Variants in ABLIM2 observed in about 807,000 individuals in gnomAD.
ABLIM2 encodes the protein actin binding LIM protein family member 2, also known as actin-binding LIM protein 2.
A neutral mutation model predicts 97.7 loss-of-function variants in ABLIM2; 53 were observed. The ratio of observed to expected loss-of-function variants is 0.54; its 90% CI spans 0.44 to 0.68. ABLIM2 has a LOEUF of 0.68. Ranked by LOEUF, ABLIM2 falls within the 30% of genes least tolerant of loss-of-function variation. ABLIM2 has a pLI of 0.00. For synonymous variants in ABLIM2, 361 were observed against 345.8 expected (o/e 1.04, Z -0.49); for missense variants, 835 against 867.2 (o/e 0.96, Z 0.47).
At chr4:8,062,177 G>C (rs1803618579) in intron 6 of ABLIM2, among the ~76,000 whole-genome samples, 1 of 152,140 alleles carries the variant, frequency 6.6e-6, no homozygotes, top group South Asian at 2.1e-4. Flanking sequence ...CCACTCGGGA[G>C]CTTTCTCTGA....
In ABLIM2 at chr4:8,112,913, C is replaced by T. The variant is rs996706792; in HGVS notation, c.11-6276G>A. Among the ~76,000 whole-genome samples, 5 of 152,154 alleles carry T rather than the reference C, an allele frequency of 3.3e-5. No individual in the cohort carries two copies. Among genetic ancestry groups the T allele is most frequent in the African/African-American group, 9.7e-5 (4 of 41,420 alleles). On this transcript the variant is annotated intron_variant, in intron 1 of 20. Coordinates refer to ENST00000447017, the MANE Select transcript of ABLIM2 (RefSeq NM_001130083.2). This position sits in a 1 kb window ranked among gnomAD's most constrained non-coding sequence, Gnocchi z 4.2. ...CTTGTTCAACAGACACGGGAGCAGACGCACTGTCAGGTACTGGGGAGAGAG... is the reference window on the plus strand; with the variant it reads ...CTTGTTCAACAGACACGGGAGCAGATGCACTGTCAGGTACTGGGGAGAGAG...
intron 1 of ABLIM2, among the ~76,000 whole-genome samples, chr4:8,151,751 C>G (rs930315948): frequency 6.6e-6 from 1 of 151,728 alleles, no homozygotes; most frequent in Admixed American, 6.6e-5. Context: ...TCACAGAGGT[C>G]CAGGCGAGGG....
At position 8,112,539 on chromosome 4, in the gene ABLIM2, G is replaced by A. The variant is rs1434341555; in HGVS notation, c.11-5902C>T. 6.6e-6 allele frequency among the ~76,000 whole-genome samples: 1 copy of A among 152,162 alleles called. No individual in the cohort carries two copies. Among genetic ancestry groups the A allele is most frequent in the Non-Finnish European group, 1.5e-5 (1 of 68,034 alleles). On this transcript the variant is annotated intron_variant, in intron 1 of 20. Transcript: ENST00000447017. The surrounding 1 kb of genome is among the most constrained non-coding windows in gnomAD (Gnocchi z 4.2). ...GCCGCAGGATGGAGGGGTCAGATCA[G>A]GGGTGGCTATCAGAAAGAGGAAAAA... is the stretch of plus-strand genomic sequence containing the variant.
At chr4:8,080,935 G>A in intron 4 of ABLIM2, 133 bp from the exon 5 acceptor site, 1 of 1,170,328 alleles carries the variant, frequency 8.5e-7, no homozygotes. Context: ...GCCACAGCGA[G>A]TGTGCTTGGA....
chr4:8,109,188 T>G (rs1173330832), intron 1 of ABLIM2, among the ~76,000 whole-genome samples: 1 of 147,962 alleles, frequency 6.8e-6, no homozygotes, highest in Non-Finnish European at 1.5e-5. Flanking sequence ...GCCTGGCGTA[T>G]AGGCTGAGTG....
chr4:8,035,243 G>A (rs1210279694), intron 10 of ABLIM2, among the ~76,000 whole-genome samples: 1 of 152,018 alleles, frequency 6.6e-6, no homozygotes, highest in Non-Finnish European at 1.5e-5. Flanking sequence ...GCACCTGCTG[G>A]CCCTGAGCTC....
chr4:8,000,299 A>G (rs942844693), intron 16 of ABLIM2, among the ~76,000 whole-genome samples: 2 of 152,118 alleles, frequency 1.3e-5, no homozygotes, highest in African/African-American at 4.8e-5. Flanking sequence ...CTGAGCCTCA[A>G]CAACCCTCAG....
chr4:8,027,369 C>T (rs371845653), intron 12 of ABLIM2, among the ~76,000 whole-genome samples: 4 of 152,258 alleles, frequency 2.6e-5, no homozygotes, highest in East Asian at 1.9e-4. Context: ...CAGGGCCCTC[C>T]GTACAGCGTA....
chr4:8,104,279 G>A (rs1183264236), intron 2 of ABLIM2, among the ~76,000 whole-genome samples: 1 of 152,232 alleles, frequency 6.6e-6, no homozygotes, highest in Non-Finnish European at 1.5e-5. Flanking sequence ...TTCCCCGCGT[G>A]TGCCGGAGAG....
rs925701633 is a variant in ABLIM2 at position 8,075,196 on chromosome 4, C to T, written c.675+2432G>A. 6.6e-6 allele frequency among the ~76,000 whole-genome samples: 1 copy of T among 152,182 alleles called. No individual in the cohort carries two copies. Among genetic ancestry groups the T allele is most frequent in the South Asian group, 2.1e-4 (1 of 4,820 alleles). ...GAAAGAAGCCGGTCATGAAAGACTA[C>T]ATATTTCATGATTCCATTCATATGA... On this transcript the variant is annotated intron_variant, in intron 6 of 20. Coordinates refer to ENST00000447017, the MANE Select transcript of ABLIM2 (RefSeq NM_001130083.2). The surrounding 1 kb of genome is among the most constrained non-coding windows in gnomAD (Gnocchi z 4.4).
Position 8,128,289 on chromosome 4 carries a change from T to G in ABLIM2, c.11-21652A>C, listed in dbSNP as rs541880778. On this transcript the variant is annotated intron_variant, in intron 1 of 20. Coordinates refer to ENST00000447017, the MANE Select transcript of ABLIM2 (RefSeq NM_001130083.2). The surrounding 1 kb of genome is among the most constrained non-coding windows in gnomAD (Gnocchi z 4.9). ...ACCTCATCTCCATCTTTACCATAAT[T>G]ACATACGGAAACACCCAAACAAGGT... 9.9e-5 allele frequency among the ~76,000 whole-genome samples: 15 copies of G among 152,174 alleles called. No homozygotes were observed. The highest frequency in any genetic ancestry group is 9.2e-4 in the Admixed American group (14 of 15,286).
At chr4:8,118,217 G>A (rs1486071597) in intron 1 of ABLIM2, among the ~76,000 whole-genome samples, 1 of 152,192 alleles carries the variant, frequency 6.6e-6, no homozygotes, top group Non-Finnish European at 1.5e-5. Context: ...ACACGCCAGG[G>A]CTTAGGGATC....
intron 8 of ABLIM2, among the ~76,000 whole-genome samples, chr4:8,051,768 A>T (rs1002990358): frequency 6.6e-6 from 1 of 152,070 alleles, no homozygotes; most frequent in East Asian, 1.9e-4. Flanking sequence ...TGTCCCTGGC[A>T]CCATGGCCAC....
Position 8,044,429 on chromosome 4 carries a change from C to T in ABLIM2, c.900+735G>A, listed in dbSNP as rs1790799795. ...AAGCAATATTAGCAAACATTAAATA[C>T]AATATTAAATATTAAATTTACATAT... On this transcript the variant is annotated intron_variant, in intron 9 of 20. Coordinates refer to ENST00000447017, the MANE Select transcript of ABLIM2 (RefSeq NM_001130083.2). This position sits in a 1 kb window ranked among gnomAD's most constrained non-coding sequence, Gnocchi z 4.4. Among the ~76,000 whole-genome samples, 1 of 151,558 alleles carries T rather than the reference C, an allele frequency of 6.6e-6. No individual in the cohort carries two copies. Among genetic ancestry groups the T allele is most frequent in the Non-Finnish European group, 1.5e-5 (1 of 67,930 alleles).
At chr4:8,009,200 A>G in intron 14 of ABLIM2, 98 bp from the exon 15 acceptor site, 1 of 1,482,376 alleles carries the variant, frequency 6.7e-7, no homozygotes, top group Non-Finnish European at 9.4e-7. Flanking sequence ...AAAATGAAAA[A>G]TCAATCAAAG....
chr4:8,116,643 G>A (rs920554447), intron 1 of ABLIM2, among the ~76,000 whole-genome samples: 5 of 152,342 alleles, frequency 3.3e-5, no homozygotes, highest in African/African-American at 1.2e-4. Context: ...AAGGCTGCTA[G>A]AAAGTGTTAC....
intron 2 of ABLIM2, among the ~76,000 whole-genome samples, chr4:8,097,583 T>G (rs548980623): frequency 6.6e-6 from 1 of 152,132 alleles, no homozygotes; most frequent in South Asian, 2.1e-4. Context: ...CTCGCTAGAG[T>G]GCCCCCAGCC....
Position 8,015,374 on chromosome 4 carries a change from C to T in ABLIM2, c.1423+4244G>A, listed in dbSNP as rs1437894401. Among the ~76,000 whole-genome samples, 1 of 152,082 alleles carries T rather than the reference C, an allele frequency of 6.6e-6. No individual in the cohort carries two copies. Among genetic ancestry groups the T allele is most frequent in the Non-Finnish European group, 1.5e-5 (1 of 68,020 alleles). On this transcript the variant is annotated intron_variant, in intron 14 of 20. Coordinates refer to ENST00000447017, the MANE Select transcript of ABLIM2 (RefSeq NM_001130083.2). This position sits in a 1 kb window ranked among gnomAD's most constrained non-coding sequence, Gnocchi z 4.6. Reference sequence around the variant, plus strand: ...TAGGGAGAGGCTGAGTTCCTACTCCCCGGCTCCCCTGGGGAGCCTCAGTGG... The same window carrying T: ...TAGGGAGAGGCTGAGTTCCTACTCCTCGGCTCCCCTGGGGAGCCTCAGTGG...
intron 14 of ABLIM2, among the ~76,000 whole-genome samples, chr4:8,013,967 C>T (rs1766903994): frequency 6.6e-6 from 1 of 152,256 alleles, no homozygotes; most frequent in African/African-American, 2.4e-5. Flanking sequence ...ACACCGACAG[C>T]TCTAACCTCC....
Sources: allele counts gnomAD v4.1 joint callset (sites outside exome capture counted in the v4.1 genomes callset), GRCh38; gene constraint gnomAD v4.1.1; non-coding constraint Gnocchi (gnomAD v3.1); transcripts MANE v1.5; gene names NCBI Gene and HGNC (gene_info 2026-07-23, HGNC 2026-07-21).